Variants in NBEA observed in about 807,000 individuals in gnomAD.
The protein encoded by NBEA is lysosomal-trafficking regulator 2.
In NBEA, 44 loss-of-function variants were observed where a neutral mutation model predicts 343.4. The observed-to-expected ratio is 0.13, with a 90% confidence interval of 0.10 to 0.16. NBEA has a LOEUF of 0.16. NBEA is among the 10% of genes least tolerant of loss of function. The pLI, the probability that NBEA is intolerant of heterozygous loss-of-function variation, is 1.00. For missense variants in NBEA, 2,555 were observed against 3,631.3 expected (o/e 0.70, Z 7.62); for synonymous variants, 1,175 against 1,238.7 (o/e 0.95, Z 1.08).
At chr13:35,343,304 A>C (rs2039689194) in intron 36 of NBEA, among the ~76,000 whole-genome samples, 2 of 152,254 alleles carry the variant, frequency 1.3e-5, no homozygotes, top group South Asian at 4.1e-4. Context: ...TCTTTGTGGA[A>C]GATTTCAACA....
At chr13:35,548,181 A>G (rs1318396476) in intron 41 of NBEA, among the ~76,000 whole-genome samples, 4 of 152,192 alleles carry the variant, frequency 2.6e-5, no homozygotes, top group East Asian at 1.9e-4. Flanking sequence ...TTAAGGACAC[A>G]GGTTCGTTTT....
At position 35,171,437 on chromosome 13, in the gene NBEA, C is replaced by T; in HGVS notation, c.4408C>T (p.Gln1470Ter). ...KNMSSGGLMR[Q>*]CLRLVCCVAV... ...CATGTCTTCTGGAGGTTTAATGCGA[C>T]AGTGCCTAAGATTAGGTAAGTCTGT... The change falls in exon 26 of 59, where the codon CAG becomes TAG. Residue 1470 changes from glutamine (Q) to a stop codon, truncating the protein, a stop_gained. Coordinates refer to ENST00000379939, the MANE Select transcript of NBEA (RefSeq NM_001385012.1). LOFTEE classifies it high-confidence loss of function. 1 of 1,610,604 alleles carries T rather than the reference C, an allele frequency of 6.2e-7. No homozygotes were observed. The highest frequency in any genetic ancestry group is 8.5e-7 in the Non-Finnish European group (1 of 1,177,648).
intron 10 of NBEA, among the ~76,000 whole-genome samples, chr13:35,076,321 T>C (rs2064117331): frequency 1.3e-5 from 2 of 151,972 alleles, no homozygotes; most frequent in Admixed American, 6.6e-5. Context: ...CTTGCACTAC[T>C]ACTTTTAGAA....
chr13:35,623,475 A>T (rs115188799), intron 48 of NBEA, among the ~76,000 whole-genome samples: 3 of 152,164 alleles, frequency 2.0e-5, no homozygotes, highest in Non-Finnish European at 4.4e-5. Flanking sequence ...TGGCAAGATA[A>T]AAAATCGACA....
At chr13:35,337,811 AAG>A (rs2039352283) in intron 36 of NBEA, among the ~76,000 whole-genome samples, 2 of 152,090 alleles carry the variant, frequency 1.3e-5, no homozygotes, top group South Asian at 4.1e-4. Context: ...TGAAATCAGT[AAG>A]AGAAGGAAAT....
intron 21 of NBEA, among the ~76,000 whole-genome samples, chr13:35,158,572 A>G (rs1243201569): frequency 6.6e-6 from 1 of 152,130 alleles, no homozygotes; most frequent in Non-Finnish European, 1.5e-5. Context: ...GATATGTGTG[A>G]ATTTTTTAAC....
At chr13:35,219,074 A>C (rs1397905208) in intron 33 of NBEA, among the ~76,000 whole-genome samples, 1 of 152,084 alleles carries the variant, frequency 6.6e-6, no homozygotes, top group Non-Finnish European at 1.5e-5. Flanking sequence ...TTGCTGGCAT[A>C]AAGCTTTTCA....
At chr13:35,307,382 T>G (rs936762809) in intron 35 of NBEA, among the ~76,000 whole-genome samples, 9 of 152,092 alleles carry the variant, frequency 5.9e-5, no homozygotes, top group African/African-American at 2.2e-4. Flanking sequence ...AACTTTAAAC[T>G]GTAATGTCCT....
At chr13:35,228,875 G>A (rs539131912) in intron 33 of NBEA, among the ~76,000 whole-genome samples, 1 of 152,084 alleles carries the variant, frequency 6.6e-6, no homozygotes, top group South Asian at 2.1e-4. Flanking sequence ...TAAAGTCTGT[G>A]GTTAGAGCCC....
At chr13:35,284,765 A>G (rs1222006406) in intron 34 of NBEA, among the ~76,000 whole-genome samples, 1 of 152,202 alleles carries the variant, frequency 6.6e-6, no homozygotes, top group Non-Finnish European at 1.5e-5. Context: ...ACATGGTAAC[A>G]TTGAAAGTAA....
At chr13:35,545,605 C>T (rs1270956019) in intron 41 of NBEA, among the ~76,000 whole-genome samples, 1 of 152,174 alleles carries the variant, frequency 6.6e-6, no homozygotes, top group Non-Finnish European at 1.5e-5. Flanking sequence ...AATTGATGCT[C>T]AAGAAGGGGT....
intron 21 of NBEA, 31 bp downstream of exon 21, chr13:35,157,301 C>G (rs770743501): frequency 6.8e-7 from 1 of 1,467,786 alleles, no homozygotes; most frequent in East Asian, 2.4e-5. Context: ...TTAACATCAT[C>G]AGAGTTATTG....
chr13:35,532,094 T>G (rs571870414), intron 41 of NBEA, among the ~76,000 whole-genome samples: 48 of 152,342 alleles, frequency 3.2e-4, no homozygotes, highest in African/African-American at 1.0e-3. Flanking sequence ...AGCTATTATA[T>G]ATTAAACTTT....
intron 47 of NBEA, among the ~76,000 whole-genome samples, chr13:35,603,345 TTG>T (rs1203962827): frequency 2.0e-5 from 3 of 152,208 alleles, no homozygotes; most frequent in Non-Finnish European, 2.9e-5. Flanking sequence ...GCTCAAAACT[TTG>T]CGTTTGCCCA....
intron 41 of NBEA, among the ~76,000 whole-genome samples, chr13:35,500,046 T>C (rs2152979364): frequency 6.6e-6 from 1 of 152,260 alleles, no homozygotes; most frequent in Admixed American, 6.5e-5. Context: ...TCAAGCGTAC[T>C]CTGAAGAGTA....
At chr13:35,209,172 T>A (rs2073600106) in intron 32 of NBEA, among the ~76,000 whole-genome samples, 1 of 152,098 alleles carries the variant, frequency 6.6e-6, no homozygotes. Context: ...GTTTGATATG[T>A]AAAAATCAGT....
At chr13:35,620,443 G>A (rs1380878668) in intron 48 of NBEA, among the ~76,000 whole-genome samples, 4 of 152,156 alleles carry the variant, frequency 2.6e-5, no homozygotes, top group Non-Finnish European at 4.4e-5. Context: ...TGGCAGGGAT[G>A]TGGTTGGCAA....
At chr13:35,012,696 G>T (rs192831927) in intron 1 of NBEA, among the ~76,000 whole-genome samples, 1 of 152,150 alleles carries the variant, frequency 6.6e-6, no homozygotes, top group African/African-American at 2.4e-5. Flanking sequence ...AGTATATTTT[G>T]TATAACATTT....
In NBEA at chr13:35,641,512, G is replaced by A. The variant is rs116016753; in HGVS notation, c.7618-4357G>A. ...GCAAAAGAAAAATGAACAAACTACC[G>A]ATACATACAACAAGGTTGAATCTTG... On this transcript the variant is annotated intron_variant, in intron 49 of 58. Transcript: ENST00000379939. Among the ~76,000 whole-genome samples the A allele has an allele frequency of 4.3e-3, 657 of 152,162 alleles. 4 individuals carry two copies. Among genetic ancestry groups the A allele is most frequent in the African/African-American group, 0.015 (628 of 41,518 alleles).
Sources: gnomAD v4.1 joint callset for allele counts (sites outside exome capture counted in the v4.1 genomes callset) on GRCh38, gnomAD v4.1.1 for gene constraint, MANE v1.5 for transcripts, NCBI Gene and HGNC (gene_info 2026-07-23, HGNC 2026-07-21) for gene names.